The following GRID1 variants were observed in gnomAD, a reference collection of about 807,000 sequenced individuals.
GRID1 encodes glutamate ionotropic receptor delta type subunit 1.
GRID1 carries 28 observed loss-of-function variants against 98.0 expected under a neutral mutation model. The observed-to-expected ratio is 0.29, with a 90% CI of 0.21 to 0.39. The LOEUF is 0.39. Ranked by LOEUF, GRID1 falls within the 10% of genes least tolerant of loss-of-function variation. GRID1 has a pLI of 1.00. For missense variants in GRID1, 1,111 were observed against 1,340.5 expected (o/e 0.83, Z 2.67); for synonymous variants, 553 against 538.5 (o/e 1.03, Z -0.37).
intron 8 of GRID1, among the ~76,000 whole-genome samples, chr10:85,833,354 G>A (rs552057915): frequency 6.6e-6 from 1 of 152,084 alleles, no homozygotes; most frequent in Non-Finnish European, 1.5e-5. Context: ...TACTTCTTGG[G>A]AATCACAAAG....
rs113383253 is a variant in GRID1 at position 85,819,803 on chromosome 10, A to G, written c.1233+34693T>C. On this transcript the variant is annotated intron_variant, in intron 8 of 15. Transcript: ENST00000327946. The stretch of plus-strand genomic sequence containing the variant: ...GTGGTGGGCACCTGTAATCCCAGCT[A>G]CTCGAGAGGCTGAGGCAGGAGAATC... Among the ~76,000 whole-genome samples, 870 of 152,040 alleles carry G rather than the reference A, an allele frequency of 5.7e-3. 8 individuals are homozygous for G. Among genetic ancestry groups the G allele is most frequent in the African/African-American group, 0.02 (818 of 41,478 alleles).
intron 2 of GRID1, among the ~76,000 whole-genome samples, chr10:86,270,340 T>C (rs1178974239): frequency 6.6e-6 from 1 of 151,664 alleles, no homozygotes; most frequent in Non-Finnish European, 1.5e-5. Context: ...CCCCCACCCT[T>C]CATTCTCTCC....
At chr10:86,233,134 G>A (rs1003074580) in intron 2 of GRID1, among the ~76,000 whole-genome samples, 1 of 152,058 alleles carries the variant, frequency 6.6e-6, no homozygotes, top group South Asian at 2.1e-4. Context: ...ACCCACTGAA[G>A]TGGCCGGCTG....
intron 2 of GRID1, among the ~76,000 whole-genome samples, chr10:86,337,960 G>A (rs143315905): frequency 2.0e-5 from 3 of 151,944 alleles, no homozygotes; most frequent in African/African-American, 7.3e-5. Context: ...CATCTGCCTC[G>A]GCCTCCCGAA....
At chr10:85,769,403 A>T (rs1302110257) in intron 8 of GRID1, among the ~76,000 whole-genome samples, 1 of 152,240 alleles carries the variant, frequency 6.6e-6, no homozygotes, top group African/African-American at 2.4e-5. Context: ...GCGACACAGA[A>T]GACGGGTGAT....
At chr10:85,996,574 G>A (rs1842740837) in intron 4 of GRID1, among the ~76,000 whole-genome samples, 1 of 152,074 alleles carries the variant, frequency 6.6e-6, no homozygotes, top group South Asian at 2.1e-4. Context: ...AATGAACAGA[G>A]CATCAGGGAC....
intron 8 of GRID1, 74 bp from the exon 9 acceptor site, chr10:85,729,688 C>T: frequency 1.1e-6 from 1 of 876,490 alleles, no homozygotes; most frequent in African/African-American, 1.6e-5. Flanking sequence ...GGCTCCTACA[C>T]TGGGATCCTG....
Position 85,729,498 on chromosome 10 carries a change from T to C in GRID1, c.1335+15A>G. The C allele has an allele frequency of 5.4e-6, 8 of 1,492,054 alleles. No homozygotes were observed. The highest frequency in any genetic ancestry group is 6.5e-6 in the Non-Finnish European group (7 of 1,071,596). The allele number at this position is 1,492,054 out of a possible 1,614,324, so 92.4% of individuals were successfully genotyped here. Reference sequence around the variant, plus strand: ...GATGGTGTAGCTCGCTCCCAGAATGTCCCCATGATCCTACCAAGACAGTCA... The same window carrying C: ...GATGGTGTAGCTCGCTCCCAGAATGCCCCCATGATCCTACCAAGACAGTCA... On this transcript the variant is annotated intron_variant, in intron 9 of 15. Transcript: ENST00000327946.
intron 2 of GRID1, among the ~76,000 whole-genome samples, chr10:86,298,451 T>A (rs918724868): frequency 6.6e-6 from 1 of 152,186 alleles, no homozygotes; most frequent in African/African-American, 2.4e-5. Context: ...TCTTTAGCTA[T>A]AAGGTCAGCC....
intron 4 of GRID1, among the ~76,000 whole-genome samples, chr10:85,970,403 G>A (rs190356994): frequency 7.9e-5 from 12 of 151,300 alleles, no homozygotes; most frequent in East Asian, 3.9e-4. Context: ...TATGAATATC[G>A]GCACAAAAAA....
At chr10:85,693,358 A>G (rs1019583389) in intron 12 of GRID1, among the ~76,000 whole-genome samples, 2 of 152,162 alleles carry the variant, frequency 1.3e-5, no homozygotes, top group Non-Finnish European at 2.9e-5. Context: ...GTACAGTGAA[A>G]CTATTATGTA....
At chr10:85,771,295 C>T (rs1329807367) in intron 8 of GRID1, among the ~76,000 whole-genome samples, 1 of 152,138 alleles carries the variant, frequency 6.6e-6, no homozygotes, top group Non-Finnish European at 1.5e-5. Context: ...CACCACGAGG[C>T]CTGCCCTGAA....
intron 12 of GRID1, among the ~76,000 whole-genome samples, chr10:85,717,828 G>C (rs993315961): frequency 6.6e-6 from 1 of 152,162 alleles, no homozygotes; most frequent in Non-Finnish European, 1.5e-5. Context: ...GGAGATACAG[G>C]TATTGGGTAA....
intron 3 of GRID1, among the ~76,000 whole-genome samples, chr10:86,144,812 G>A (rs1845061932): frequency 6.6e-6 from 1 of 152,102 alleles, no homozygotes; most frequent in Non-Finnish European, 1.5e-5. Context: ...GTTCTCACGT[G>A]TCTGAGAACA....
chr10:85,764,689 T>A (rs1208482509), intron 8 of GRID1, among the ~76,000 whole-genome samples: 1 of 152,224 alleles, frequency 6.6e-6, no homozygotes, highest in African/African-American at 2.4e-5. Context: ...TTTATCTTCC[T>A]CTCCACTAAG....
At chr10:86,258,116 G>C (rs530359810) in intron 2 of GRID1, among the ~76,000 whole-genome samples, 1 of 152,072 alleles carries the variant, frequency 6.6e-6, no homozygotes, top group Non-Finnish European at 1.5e-5. Context: ...TCAAAGTGCA[G>C]TAAATAGGTA....
At chr10:86,056,978 T>C (rs1484533330) in intron 4 of GRID1, among the ~76,000 whole-genome samples, 3 of 152,240 alleles carry the variant, frequency 2.0e-5, no homozygotes, top group Non-Finnish European at 4.4e-5. Context: ...GGCTTTAGAC[T>C]GTGGTAGAAC....
chr10:85,605,707 C>T (rs1842651287), intron 15 of GRID1: 1 of 152,172 alleles, frequency 6.6e-6, no homozygotes, highest in Non-Finnish European at 1.5e-5. Flanking sequence ...CAATTGAGCA[C>T]TAGCCCAGGG....
chr10:85,703,401 G>A (rs1841475729), intron 12 of GRID1, among the ~76,000 whole-genome samples: 1 of 151,752 alleles, frequency 6.6e-6, no homozygotes, highest in Non-Finnish European at 1.5e-5. Flanking sequence ...GATATGGATG[G>A]GAAAAAATAA....
Sources: allele counts gnomAD v4.1 joint callset (sites outside exome capture counted in the v4.1 genomes callset), GRCh38; gene constraint gnomAD v4.1.1; transcripts MANE v1.5; gene names NCBI Gene and HGNC (gene_info 2026-07-23, HGNC 2026-07-21).